The following MYO15A variants were observed in gnomAD, a reference collection of about 807,000 sequenced individuals.
MYO15A encodes myosin XVA.
Under a neutral mutation model 394.6 loss-of-function variants are expected in MYO15A, and 308 were observed. That is an observed-to-expected ratio of 0.78 (90% CI 0.71 to 0.86). The LOEUF is 0.86. Among genes scored for constraint, MYO15A ranks in the 40% least tolerant of loss-of-function variants. The pLI, the probability that MYO15A is intolerant of heterozygous loss-of-function variation, is 0.00. For missense variants in MYO15A, 4,606 were observed against 4,799.1 expected (o/e 0.96, Z 1.19); for synonymous variants, 1,957 against 2,003.8 (o/e 0.98, Z 0.62).
Position 18,122,395 on chromosome 17 carries a change from A to C in MYO15A, c.3595A>C (p.Ser1199Arg). 3.1e-6 allele frequency: 5 copies of C among 1,612,380 alleles called. No homozygotes were observed. Among genetic ancestry groups the C allele is most frequent in the Non-Finnish European group, 4.2e-6 (5 of 1,179,798 alleles). The change falls in exon 2 of 66, where the codon AGC (serine) becomes CGC (arginine). Residue 1199 changes from serine to arginine, a missense_variant. Ser to Arg is a moderately radical substitution (Grantham distance 110). This residue lies in a region of MYO15A where 2,776 missense variants were observed against 3,109.3 expected (regional missense o/e 0.89). Transcript: ENST00000647165. ...RGSWEEVGPP[S>R]WRNKMHSIRN... The stretch of plus-strand genomic sequence containing the variant: ...CTCCTGGGAGGAGGTCGGCCCGCCA[A>C]GCTGGCGGAACAAGGTATGGAGGCA...
In MYO15A at chr17:18,118,675, G is replaced by A; in HGVS notation, c.-126G>A. 6.8e-7 allele frequency: 1 copy of A among 1,477,666 alleles called. No individual in the cohort carries two copies. The highest frequency in any genetic ancestry group is 9.2e-7 in the Non-Finnish European group (1 of 1,089,438). 91.5% of individuals were successfully genotyped at this position (1,477,666 alleles called of 1,614,324 possible). ...TCCCCACGCCACCCAGGGCCAGTCG[G>A]GTCTGCTCACAGCCCGAGGAGGCCG... On this transcript the variant is annotated 5_prime_UTR_variant, in exon 2 of 66. Transcript: ENST00000647165.
chr17:18,145,421 T>C (rs924100069), intron 29 of MYO15A, among the ~76,000 whole-genome samples: 43 of 152,154 alleles, frequency 2.8e-4, no homozygotes, highest in African/African-American at 1.0e-3. Context: ...GCATAGAATA[T>C]GGCAGTTGTA....
In MYO15A at chr17:18,132,616, C is replaced by T. The variant is rs746954908; in HGVS notation, c.4320+50C>T. The T allele has an allele frequency of 1.1e-5, 17 of 1,507,028 alleles. No homozygotes were observed. The highest frequency in any genetic ancestry group is 2.2e-5 in the South Asian group (2 of 88,996). 93.4% of individuals were successfully genotyped at this position (1,507,028 alleles called of 1,614,324 possible). On this transcript the variant is annotated intron_variant, in intron 11 of 65. Coordinates refer to ENST00000647165, the MANE Select transcript of MYO15A (RefSeq NM_016239.4). The surrounding 1 kb of genome is among the most constrained non-coding windows in gnomAD (Gnocchi z 4.6). ...GCCCCTGGCCCTGGTCCTCCCACCC[C>T]GACGCCCCTGGCTGGGCCTTGGGAG...
chr17:18,142,251 C>A lies in MYO15A; in HGVS notation c.5822C>A (p.Ala1941Asp). ...CAAAGCCGGGCCCGTGGCTACCTTG[C>A]CAGGTGAGGCACAGAAAAGGCAGGA... ...LLQSRARGYL[A>D]RQRYQQMRRS... is the part of the protein sequence containing the mutation. The change falls in exon 24 of 66, where the codon GCC (alanine) becomes GAC (aspartate). Residue 1941 changes from alanine to aspartate, a missense_variant. Ala to Asp is a moderately radical substitution (Grantham distance 126). Around this residue, in one of 2 missense-constraint regions of MYO15A, gnomAD observed 2,776 missense variants for 3,109.3 expected, o/e 0.89. Coordinates refer to ENST00000647165, the MANE Select transcript of MYO15A (RefSeq NM_016239.4). 1 of 1,611,904 alleles carries A rather than the reference C, an allele frequency of 6.2e-7. No homozygotes were observed. Among genetic ancestry groups the A allele is most frequent in the Non-Finnish European group, 8.5e-7 (1 of 1,179,626 alleles).
chr17:18,171,600 G>A (rs745483394), intron 62 of MYO15A, 38 bp from the exon 63 acceptor site: 1 of 1,613,644 alleles, frequency 6.2e-7, no homozygotes. Context: ...GAGCCTGGGA[G>A]CTCACTCAGG....
rs2046471942 is a variant in MYO15A at position 18,145,936 on chromosome 17, T to C, written c.6338T>C (p.Ile2113Thr). ...CGGGAGAACATCTTCGGGAACTACA[T>C]CGTGCAGAAGGGGCTGGCGGTGCCT... ...GARENIFGNY[I>T]VQKGLAVPEL... is the part of the protein sequence containing the mutation. The change falls in exon 30 of 66, where the codon ATC (isoleucine) becomes ACC (threonine). Residue 2113 changes from isoleucine (I) to threonine (T), a missense_variant. Around this residue, in one of 2 missense-constraint regions of MYO15A, gnomAD observed 2,776 missense variants for 3,109.3 expected, o/e 0.89. Transcript: ENST00000647165. 1 of 1,613,716 alleles carries C rather than the reference T, an allele frequency of 6.2e-7. No homozygotes were observed. Among genetic ancestry groups the C allele is most frequent in the Non-Finnish European group, 8.5e-7 (1 of 1,180,002 alleles).
chr17:18,168,158 T>G (rs2046883085), intron 62 of MYO15A, among the ~76,000 whole-genome samples: 1 of 152,208 alleles, frequency 6.6e-6, no homozygotes, highest in African/African-American at 2.4e-5. Context: ...TATTTACTTA[T>G]GTATTTAATT....
chr17:18,151,563 C>A (rs1187220469), intron 40 of MYO15A, 36 bp downstream of exon 40: 2 of 1,612,288 alleles, frequency 1.2e-6, no homozygotes, highest in Non-Finnish European at 1.7e-6. Context: ...CGCCAGCCCC[C>A]TCACTGTACC....
At chr17:18,145,781 T>G in intron 29 of MYO15A, 91 bp from the exon 30 acceptor site, 2 of 1,075,540 alleles carry the variant, frequency 1.9e-6, no homozygotes, top group Non-Finnish European at 2.8e-6. Context: ...GGGGCACACA[T>G]GGGAGGGACA....
rs1439095325 is a variant in MYO15A, at chr17:18,120,579, G to A, written c.1779G>A (p.Gln593=). The stretch of plus-strand genomic sequence containing the variant: ...CCATCGCGCGGCTCAGGGGCAGCCA[G>A]AAGGCCCGGGCGGGCGGCCCTGCTG... ...KKPIARLRGS[Q]KARAGGPAVR... Residue 593 remains glutamine (Q), a synonymous_variant, in exon 2 of 66, where the codon CAG becomes CAA. Transcript: ENST00000647165. The A allele has an allele frequency of 1.3e-6, 2 of 1,599,524 alleles. No homozygotes were observed.
chr17:18,135,661 A>G, intron 12 of MYO15A, 50 bp from the exon 13 acceptor site: 1 of 1,564,428 alleles, frequency 6.4e-7, no homozygotes, highest in Non-Finnish European at 8.8e-7. Context: ...TATGAACTTT[A>G]AATTTAGCCT....
At chr17:18,127,308 CTTTT>C (rs1222100552) in intron 7 of MYO15A, 143 bp downstream of exon 7, 5 of 972,614 alleles carry the variant, frequency 5.1e-6, no homozygotes, top group Non-Finnish European at 6.2e-6. Flanking sequence ...CCCAGGGCTG[CTTTT>C]TCTGCCACCC....
intron 28 of MYO15A, 72 bp downstream of exon 28, chr17:18,144,072 C>CCTGGGGCAGGAG (rs1567647341): frequency 6.2e-7 from 1 of 1,603,874 alleles, no homozygotes; most frequent in Non-Finnish European, 8.5e-7. Flanking sequence ...ATTGTCCTTG[C>CCTGGGGCAGGAG]CCTGGGGCAG....
rs200623501 is a variant in MYO15A, at chr17:18,148,781, G to A, written c.6785G>A (p.Arg2262His). The change falls in exon 33 of 66, where the codon CGC becomes CAC. Residue 2262 changes from arginine to histidine, a missense_variant. Coordinates refer to ENST00000647165, the MANE Select transcript of MYO15A (RefSeq NM_016239.4). This position sits in a 1 kb window ranked among gnomAD's most constrained non-coding sequence, Gnocchi z 4.8. ...ACCAGGGGGCTGGCAGATGGCTGGC[G>A]CGGCTGGACCGTGGCCATGAAGAAT... is the stretch of plus-strand genomic sequence containing the variant. ...LRHRGLADGW[R>H]GWTVAMKNGV... 2.8e-4 allele frequency: 454 copies of A among 1,601,318 alleles called. 2 individuals carry two copies. In the African/African-American group the frequency reaches 4.9e-3, roughly 17 times the overall value.
In MYO15A at chr17:18,144,524, C is replaced by T. The variant is rs756776943; in HGVS notation, c.6205C>T (p.Pro2069Ser). 56 of 1,613,182 alleles carry T rather than the reference C, an allele frequency of 3.5e-5. No homozygotes were observed. The highest frequency in any genetic ancestry group is 2.5e-5 in the Non-Finnish European group (29 of 1,180,014). ...ACCTGCCTTTGGGATGCTGACAGTGCCCCTGAGGACACCCCTCACGCAGCT... is the reference window on the plus strand; with the variant it reads ...ACCTGCCTTTGGGATGCTGACAGTGTCCCTGAGGACACCCCTCACGCAGCT... Reference protein sequence around the residue: ...KEPAFGMLTVPLRTPLTQLPA... With the variant: ...KEPAFGMLTVSLRTPLTQLPA... The change falls in exon 29 of 66, where the codon CCC becomes TCC. Residue 2069 changes from proline (P) to serine (S), a missense_variant. By Grantham distance (74) the Pro-to-Ser change is moderately conservative. This residue lies in a region of MYO15A where 2,776 missense variants were observed against 3,109.3 expected (regional missense o/e 0.89). Transcript: ENST00000647165.
intron 4 of MYO15A, 50 bp from the exon 5 acceptor site, chr17:18,126,297 A>C (rs1354707560): frequency 6.9e-7 from 1 of 1,447,564 alleles, no homozygotes; most frequent in African/African-American, 1.4e-5. Flanking sequence ...AGGGAGGGAC[A>C]TAGAGGTCTG....
chr17:18,178,980 G>A lies in MYO15A; in HGVS notation c.*110G>A. ...ACCCCTGTAAGGGGCCAGAGCCTTG[G>A]AGGACACTAAGAGGAGGCAGGAGGA... On this transcript the variant is annotated 3_prime_UTR_variant, in exon 66 of 66. Coordinates refer to ENST00000647165, the MANE Select transcript of MYO15A (RefSeq NM_016239.4). 1.8e-6 allele frequency: 2 copies of A among 1,124,732 alleles called. No individual in the cohort carries two copies. The highest frequency in any genetic ancestry group is 1.3e-6 in the Non-Finnish European group (1 of 768,888). The allele number at this position is 1,124,732 out of a possible 1,614,324, so 69.7% of individuals were successfully genotyped here.
intron 30 of MYO15A, among the ~76,000 whole-genome samples, chr17:18,146,891 A>C (rs2046491061): frequency 6.6e-6 from 1 of 152,128 alleles, no homozygotes; most frequent in African/African-American, 2.4e-5. Context: ...TGCCACTTAC[A>C]CTTCAGCCTG....
At chr17:18,163,110 G>A (rs911450617) in intron 58 of MYO15A, 134 bp from the exon 59 acceptor site, 53 of 901,394 alleles carry the variant, frequency 5.9e-5, no homozygotes, top group South Asian at 2.2e-4. Context: ...GGCCCTGCGC[G>A]GTCCAGGTGC....
Sources: allele counts gnomAD v4.1 joint callset (sites outside exome capture counted in the v4.1 genomes callset), GRCh38; gene constraint gnomAD v4.1.1; regional missense constraint gnomAD v4.1.1; non-coding constraint Gnocchi (gnomAD v3.1); transcripts MANE v1.5; gene names NCBI Gene and HGNC (gene_info 2026-07-23, HGNC 2026-07-21).